Variants in CTNNA3 observed in about 807,000 individuals in gnomAD.
CTNNA3 encodes catenin alpha 3, also known as catenin alpha-3.
CTNNA3 carries 76 observed loss-of-function variants against 95.7 expected under a neutral mutation model. That is an observed-to-expected ratio of 0.79 (90% CI 0.66 to 0.96). The LOEUF (loss-of-function observed/expected upper bound fraction) is 0.96. CTNNA3 is among the 40% of genes least tolerant of loss of function. The pLI is 0.00. For synonymous variants in CTNNA3, 431 were observed against 374.4 expected (o/e 1.15, Z -1.74); for missense variants, 1,191 against 1,089.8 (o/e 1.09, Z -1.31).
intron 8 of CTNNA3, among the ~76,000 whole-genome samples, chr10:66,772,741 T>C (rs1249069599): frequency 6.6e-6 from 1 of 152,194 alleles, no homozygotes; most frequent in Non-Finnish European, 1.5e-5. Flanking sequence ...AAGCAATCTC[T>C]GTCATTCCTC....
intron 7 of CTNNA3, among the ~76,000 whole-genome samples, chr10:66,904,311 C>G (rs922322956): frequency 1.3e-5 from 2 of 152,086 alleles, no homozygotes; most frequent in Non-Finnish European, 2.9e-5. Flanking sequence ...ACTGGCTAGC[C>G]ATATGTAGAA....
chr10:66,088,144 T>C (rs1435442914), intron 14 of CTNNA3, among the ~76,000 whole-genome samples: 1 of 152,030 alleles, frequency 6.6e-6, no homozygotes, highest in Non-Finnish European at 1.5e-5. Context: ...CTCAGTAGTA[T>C]GGTAGGCTTC....
intron 7 of CTNNA3, among the ~76,000 whole-genome samples, chr10:66,790,015 C>T (rs1589257007): frequency 6.6e-6 from 1 of 152,164 alleles, no homozygotes; most frequent in East Asian, 1.9e-4. Context: ...ACACAGAGGA[C>T]ATGCAAGGCA....
rs1007066768 is a variant in CTNNA3, at chr10:67,292,398, A to AT, written c.580-72529dup. Among the ~76,000 whole-genome samples the AT allele has an allele frequency of 4.1e-3, 615 of 151,510 alleles. 6 individuals are homozygous for AT. The highest frequency in any genetic ancestry group is 0.014 in the African/African-American group (584 of 41,350). On this transcript the variant is annotated intron_variant, in intron 5 of 17. Transcript: ENST00000433211. The stretch of plus-strand genomic sequence containing the variant: ...ACTTCTGAGACCTTCATTTTGAGGT[A>AT]TTTTTTTTTCCGAGTCCCAACAAAG...
At chr10:66,300,911 T>C (rs1027681186) in intron 12 of CTNNA3, among the ~76,000 whole-genome samples, 1 of 151,180 alleles carries the variant, frequency 6.6e-6, no homozygotes, top group African/African-American at 2.4e-5. Context: ...AAAAGATCAA[T>C]AAAATTTACA....
intron 10 of CTNNA3, among the ~76,000 whole-genome samples, chr10:66,543,150 G>A (rs1256866275): frequency 2.0e-5 from 3 of 152,042 alleles, no homozygotes; most frequent in Non-Finnish European, 4.4e-5. Context: ...GTTCAATGGC[G>A]CAATCTCGGC....
chr10:65,993,676 G>A (rs1296976234), intron 15 of CTNNA3, among the ~76,000 whole-genome samples: 1 of 152,102 alleles, frequency 6.6e-6, no homozygotes, highest in African/African-American at 2.4e-5. Flanking sequence ...AGATAGTTGG[G>A]TCATGTGGTC....
chr10:67,482,970 A>T (rs1848296201), intron 5 of CTNNA3, among the ~76,000 whole-genome samples: 1 of 152,202 alleles, frequency 6.6e-6, no homozygotes, highest in Non-Finnish European at 1.5e-5. Context: ...ATGAACAGAC[A>T]CTTCTCAAAA....
intron 5 of CTNNA3, among the ~76,000 whole-genome samples, chr10:67,361,984 T>C (rs1843004485): frequency 6.6e-6 from 1 of 152,020 alleles, no homozygotes; most frequent in African/African-American, 2.4e-5. Context: ...GAAACTATTA[T>C]GAACACTATC....
intron 3 of CTNNA3, among the ~76,000 whole-genome samples, chr10:67,545,287 C>T (rs1840814904): frequency 6.6e-6 from 1 of 152,006 alleles, no homozygotes. Flanking sequence ...TCCTCTTAAC[C>T]ACCTCTCTAG....
At chr10:66,726,543 T>C (rs1256477302) in intron 9 of CTNNA3, among the ~76,000 whole-genome samples, 1 of 152,004 alleles carries the variant, frequency 6.6e-6, no homozygotes, top group Admixed American at 6.6e-5. Flanking sequence ...TGGAGTGGTA[T>C]TACCAAAAAA....
chr10:66,084,148 GA>G (rs71474014), intron 14 of CTNNA3, among the ~76,000 whole-genome samples: 2 of 112,198 alleles, frequency 1.8e-5, no homozygotes, highest in African/African-American at 6.0e-5. Flanking sequence ...AAAAAAAAAA[GA>G]AAAAAAAAGA....
intron 9 of CTNNA3, among the ~76,000 whole-genome samples, chr10:66,664,205 C>A (rs1361741518): frequency 6.6e-6 from 1 of 152,052 alleles, no homozygotes; most frequent in Non-Finnish European, 1.5e-5. Context: ...CCCCCAGACA[C>A]TTTTATATAA....
At chr10:65,972,137 C>A (rs992546053) in intron 16 of CTNNA3, among the ~76,000 whole-genome samples, 1 of 151,960 alleles carries the variant, frequency 6.6e-6, no homozygotes, top group Non-Finnish European at 1.5e-5. Context: ...CTTCAAGAAA[C>A]TATGCATCAA....
intron 13 of CTNNA3, among the ~76,000 whole-genome samples, chr10:66,133,789 T>A (rs1392677906): frequency 2.6e-5 from 4 of 152,160 alleles, no homozygotes; most frequent in African/African-American, 7.2e-5. Context: ...TAGACTTTTT[T>A]AAATGAATGA....
chr10:66,617,018 T>G (rs1278804189), intron 10 of CTNNA3, among the ~76,000 whole-genome samples: 1 of 151,976 alleles, frequency 6.6e-6, no homozygotes, highest in East Asian at 1.9e-4. Flanking sequence ...ATTTATACAC[T>G]GAACAAATAT....
intron 7 of CTNNA3, among the ~76,000 whole-genome samples, chr10:67,127,403 A>T (rs1322510452): frequency 2.0e-5 from 3 of 152,170 alleles, no homozygotes; most frequent in Non-Finnish European, 4.4e-5. Flanking sequence ...CCTACTAATC[A>T]CCTTCACTTA....
At chr10:66,852,168 G>A (rs1176377660) in intron 7 of CTNNA3, among the ~76,000 whole-genome samples, 1 of 152,116 alleles carries the variant, frequency 6.6e-6, no homozygotes, top group Admixed American at 6.6e-5. Flanking sequence ...CATGCAAAAA[G>A]TATGGTACTT....
chr10:66,510,730 T>C (rs1007601617), intron 11 of CTNNA3, among the ~76,000 whole-genome samples: 3 of 151,932 alleles, frequency 2.0e-5, no homozygotes, highest in Admixed American at 6.6e-5. Flanking sequence ...CTTGTATCCT[T>C]GGAATAAATT....
Sources: allele counts gnomAD v4.1 joint callset (sites outside exome capture counted in the v4.1 genomes callset), GRCh38; gene constraint gnomAD v4.1.1; transcripts MANE v1.5; gene names NCBI Gene and HGNC (gene_info 2026-07-23, HGNC 2026-07-21).